Variants in SUMF1 observed in about 807,000 individuals in gnomAD.
The protein encoded by SUMF1 is formylglycine-generating enzyme.
In SUMF1, 48 loss-of-function variants were observed where a neutral mutation model predicts 47.6. The ratio of observed to expected loss-of-function variants is 1.01; its 90% CI spans 0.80 to 1.28. The LOEUF (loss-of-function observed/expected upper bound fraction) is 1.28, where lower values mean the gene tolerates loss of function less well. SUMF1 is among the 50% of genes most tolerant of loss of function. The pLI, the probability that SUMF1 is intolerant of heterozygous loss-of-function variation, is 0.00. For missense variants in SUMF1, 571 were observed against 485.4 expected, an observed-to-expected ratio of 1.18 and a Z score of -1.66; for synonymous variants, 230 against 192.1, an observed-to-expected ratio of 1.20 and a Z score of -1.63.
intron 8 of SUMF1, among the ~76,000 whole-genome samples, chr3:4,194,792 TA>T (rs1412126079): frequency 6.6e-6 from 1 of 152,198 alleles, no homozygotes; most frequent in African/African-American, 2.4e-5. Context: ...AAGCACCCAT[TA>T]ATACGGTCAA....
intron 8 of SUMF1, among the ~76,000 whole-genome samples, chr3:4,221,436 TG>T (rs1696062170): frequency 6.6e-6 from 1 of 151,786 alleles, no homozygotes; most frequent in African/African-American, 2.4e-5. Flanking sequence ...TGTGTGTGTG[TG>T]TGTGTGTGTG....
chr3:4,065,877 C>G (rs960789583), intron 9 of SUMF1, among the ~76,000 whole-genome samples: 4 of 152,130 alleles, frequency 2.6e-5, no homozygotes, highest in South Asian at 2.1e-4. Flanking sequence ...CCAACTATGG[C>G]TTTCCATGGA....
intron 8 of SUMF1, among the ~76,000 whole-genome samples, chr3:4,374,775 G>C (rs907845730): frequency 2.0e-5 from 3 of 152,230 alleles, no homozygotes; most frequent in African/African-American, 7.2e-5. Flanking sequence ...ACTTCAAATA[G>C]AGAAGCAATC....
chr3:4,201,011 T>C (rs1318849656), intron 8 of SUMF1, among the ~76,000 whole-genome samples: 1 of 152,170 alleles, frequency 6.6e-6, no homozygotes, highest in East Asian at 1.9e-4. Context: ...TTTTTATAGG[T>C]ACCTAGTAAA....
intron 8 of SUMF1, among the ~76,000 whole-genome samples, chr3:4,080,952 T>A (rs1290360586): frequency 6.6e-6 from 1 of 152,134 alleles, no homozygotes; most frequent in African/African-American, 2.4e-5. Context: ...AGTCATTAAA[T>A]AAATTTTCTT....
intron 8 of SUMF1, among the ~76,000 whole-genome samples, chr3:4,168,675 C>A (rs1157175841): frequency 2.0e-5 from 3 of 152,022 alleles, no homozygotes; most frequent in Non-Finnish European, 2.9e-5. Context: ...CTCTATTTTG[C>A]CACTTTCTGG....
In SUMF1 at chr3:4,211,199, C is replaced by CATATATATATATATATATAT. The variant is rs3046224; in HGVS notation, c.1015-142455_1015-142454insATATATATATATATATATAT. On this transcript the variant is annotated intron_variant and NMD_transcript_variant, in intron 8 of 12. Coordinates refer to the SUMF1 transcript ENST00000448413. ...ATATATATACATATACATATACATA[C>CATATATATATATATATATAT]ATACATATATATATATATATATATA... is the stretch of plus-strand genomic sequence containing the variant. 2.3e-3 allele frequency among the ~76,000 whole-genome samples: 198 copies of CATATATATATATATATATAT among 84,924 alleles called. 12 individuals are homozygous for CATATATATATATATATATAT. Among genetic ancestry groups the CATATATATATATATATATAT allele is most frequent in the Admixed American group, 2.7e-3 (20 of 7,538 alleles). The allele number at this position is 84,924 out of a possible 152,430, so 55.7% of individuals were successfully genotyped here. A position where few individuals can be genotyped will look rare whatever the true frequency, so the allele number is the denominator to read the frequency against.
In SUMF1 at chr3:4,133,128, C is replaced by A. The variant is rs59834219; in HGVS notation, c.1015-64383G>T. ...CTGTAATTGTCATGAGTACTTCCTT[C>A]TTCTTTTGTTAAAAACATGTTTGTG... is the stretch of plus-strand genomic sequence containing the variant. On this transcript the variant is annotated intron_variant and NMD_transcript_variant, in intron 8 of 12. Coordinates refer to the SUMF1 transcript ENST00000448413. Among the ~76,000 whole-genome samples the A allele has an allele frequency of 2.0e-3, 308 of 152,218 alleles. 8 individuals carry two copies. Among genetic ancestry groups the A allele is most frequent in the Admixed American group, 0.015 (228 of 15,286 alleles).
chr3:4,456,829 T>TAC (rs1559312657), intron 1 of SUMF1, among the ~76,000 whole-genome samples: 14 of 40,200 alleles, frequency 3.5e-4, no homozygotes, highest in African/African-American at 1.2e-3. Flanking sequence ...TGTGTATATA[T>TAC]ACGTGTATAT....
At chr3:4,374,980 TG>T (rs1489064058) in intron 8 of SUMF1, among the ~76,000 whole-genome samples, 1 of 151,798 alleles carries the variant, frequency 6.6e-6, no homozygotes, top group African/African-American at 2.4e-5. Context: ...CTAGGCAACA[TG>T]GCAAGACCCC....
intron 8 of SUMF1, among the ~76,000 whole-genome samples, chr3:4,209,563 G>T (rs1354805228): frequency 6.6e-6 from 1 of 151,778 alleles, no homozygotes; most frequent in African/African-American, 2.4e-5. Context: ...ATAATTAAAA[G>T]CCCAGACAAA....
At chr3:4,109,377 T>A (rs1368079802) in intron 8 of SUMF1, among the ~76,000 whole-genome samples, 1 of 152,104 alleles carries the variant, frequency 6.6e-6, no homozygotes, top group African/African-American at 2.4e-5. Flanking sequence ...TCATTTCAAC[T>A]TTGGTGAATC....
chr3:4,312,545 A>G (rs904667410), intron 8 of SUMF1, among the ~76,000 whole-genome samples: 1 of 151,988 alleles, frequency 6.6e-6, no homozygotes, highest in African/African-American at 2.4e-5. Context: ...TAAAACCACA[A>G]ATTCTAAAAA....
chr3:4,362,132 T>A lies in SUMF1; in HGVS notation c.*12A>T, dbSNP rs1313287028. 10 of 1,613,102 alleles carry A rather than the reference T, an allele frequency of 6.2e-6. No homozygotes were observed. The highest frequency in any genetic ancestry group is 1.1e-5 in the South Asian group (1 of 91,052). The stretch of plus-strand genomic sequence containing the variant: ...GACTGCTCCTTGGACTGGGGAAGAC[T>A]TTCCTTGGTTGTCAGTCCATAGTGG... On this transcript the variant is annotated 3_prime_UTR_variant, in exon 9 of 9. Coordinates refer to ENST00000272902, the MANE Select transcript of SUMF1 (RefSeq NM_182760.4).
intron 8 of SUMF1, among the ~76,000 whole-genome samples, chr3:4,292,682 C>G (rs1480134204): frequency 6.6e-6 from 1 of 152,186 alleles, no homozygotes; most frequent in Non-Finnish European, 1.5e-5. Context: ...GCTATTTCAT[C>G]TGAACAGGTA....
chr3:4,362,395 A>G (rs1699796766), intron 8 of SUMF1, 141 bp from the exon 9 acceptor site: 3 of 724,298 alleles, frequency 4.1e-6, no homozygotes, highest in African/African-American at 3.5e-5. Context: ...GTATGCTTTA[A>G]AAAGGGCAGC....
At chr3:4,036,920 G>C (rs1694810588) in intron 9 of SUMF1, among the ~76,000 whole-genome samples, 1 of 146,670 alleles carries the variant, frequency 6.8e-6, no homozygotes, top group South Asian at 2.2e-4. Context: ...ACTAGGTGGA[G>C]ATACTGAGGG....
At chr3:4,194,021 C>T (rs560501390) in intron 8 of SUMF1, among the ~76,000 whole-genome samples, 2 of 152,172 alleles carry the variant, frequency 1.3e-5, no homozygotes, top group African/African-American at 2.4e-5. Flanking sequence ...ATTTTTAATG[C>T]AGTCCAGATA....
intron 8 of SUMF1, among the ~76,000 whole-genome samples, chr3:4,137,839 C>T (rs9843051): frequency 0.38 from 58,214 of 151,642 alleles, 12,302 homozygotes; most frequent in Non-Finnish European, 0.49. Flanking sequence ...AATAAATGAT[C>T]CAAATTGTAA....
Sources: gnomAD v4.1 joint callset for allele counts (sites outside exome capture counted in the v4.1 genomes callset) on GRCh38, gnomAD v4.1.1 for gene constraint, MANE v1.5 for transcripts, NCBI Gene and HGNC (gene_info 2026-07-23, HGNC 2026-07-21) for gene names.